The following SUCLG2 variants were observed in gnomAD, a reference collection of about 807,000 sequenced individuals.
SUCLG2 encodes the protein succinate--CoA ligase [GDP-forming] subunit beta, mitochondrial.
SUCLG2 carries 42 observed loss-of-function variants against 47.9 expected under a neutral mutation model. The observed-to-expected ratio is 0.88, with a 90% CI of 0.69 to 1.14. SUCLG2 has a LOEUF of 1.14. Ranked by LOEUF, SUCLG2 falls within the 50% of genes most tolerant of loss-of-function variation. SUCLG2 has a pLI of 0.00. For missense variants in SUCLG2, 571 were observed against 525.9 expected (o/e 1.09, Z -0.84); for synonymous variants, 195 against 197.3 (o/e 0.99, Z 0.10).
chr3:67,403,155 G>A (rs527337082), intron 9 of SUCLG2, among the ~76,000 whole-genome samples: 69 of 152,268 alleles, frequency 4.5e-4, no homozygotes, highest in African/African-American at 1.6e-3. Context: ...AACTACTTTA[G>A]TTGGTGCTGA....
chr3:67,411,246 G>T (rs1702926370), intron 9 of SUCLG2, among the ~76,000 whole-genome samples: 1 of 151,990 alleles, frequency 6.6e-6, no homozygotes, highest in East Asian at 1.9e-4. Flanking sequence ...AAATAGCTAA[G>T]CAGAGAGAGC....
At chr3:67,461,838 T>C (rs1158909636) in intron 9 of SUCLG2, among the ~76,000 whole-genome samples, 3 of 151,930 alleles carry the variant, frequency 2.0e-5, no homozygotes, top group African/African-American at 7.3e-5. Flanking sequence ...CTGGGAAGAT[T>C]TCCAAGGAGA....
chr3:67,626,764 A>G (rs896097786), intron 1 of SUCLG2, among the ~76,000 whole-genome samples: 1 of 151,892 alleles, frequency 6.6e-6, no homozygotes, highest in Admixed American at 6.6e-5. Flanking sequence ...AATACAAAAA[A>G]TTAGCTGGGC....
At chr3:67,629,259 C>G (rs1700886840) in intron 1 of SUCLG2, among the ~76,000 whole-genome samples, 1 of 152,170 alleles carries the variant, frequency 6.6e-6, no homozygotes. Flanking sequence ...CACTAACTCC[C>G]AGAGTTAGCA....
chr3:67,455,109 G>A (rs930329287), intron 9 of SUCLG2, among the ~76,000 whole-genome samples: 2 of 152,088 alleles, frequency 1.3e-5, no homozygotes, highest in African/African-American at 4.8e-5. Context: ...CACATTGCAT[G>A]TAGTTCTTAG....
intron 9 of SUCLG2, among the ~76,000 whole-genome samples, chr3:67,434,267 C>T (rs1022664285): frequency 2.6e-5 from 4 of 152,136 alleles, no homozygotes; most frequent in African/African-American, 7.2e-5. Context: ...GGCTCACGTC[C>T]GTTATCCCAG....
At chr3:67,639,837 G>C (rs2107366803) in intron 1 of SUCLG2, among the ~76,000 whole-genome samples, 1 of 152,214 alleles carries the variant, frequency 6.6e-6, no homozygotes, top group South Asian at 2.1e-4. Context: ...TGTGACCAGG[G>C]AACAATAAGA....
intron 1 of SUCLG2, among the ~76,000 whole-genome samples, chr3:67,615,111 A>G (rs1559597662): frequency 6.6e-6 from 1 of 152,130 alleles, no homozygotes; most frequent in African/African-American, 2.4e-5. Context: ...TTAAGGGCCT[A>G]TGGGAACAAG....
intron 10 of SUCLG2, among the ~76,000 whole-genome samples, chr3:67,387,646 A>T (rs1362732693): frequency 6.6e-6 from 1 of 152,174 alleles, no homozygotes; most frequent in Non-Finnish European, 1.5e-5. Flanking sequence ...GAATTAAGTG[A>T]TTTTTATAAT....
chr3:67,362,082 A>G (rs1701810491), intron 10 of SUCLG2, among the ~76,000 whole-genome samples: 1 of 152,216 alleles, frequency 6.6e-6, no homozygotes, highest in Admixed American at 6.5e-5. Flanking sequence ...ACTCATAAGC[A>G]AAATAAATGC....
At chr3:67,414,249 C>T (rs918120805) in intron 9 of SUCLG2, among the ~76,000 whole-genome samples, 2 of 152,124 alleles carry the variant, frequency 1.3e-5, no homozygotes, top group African/African-American at 2.4e-5. Flanking sequence ...AACTCGACTC[C>T]GAAGTTCTTG....
chr3:67,394,202 A>C (rs1299707332), intron 10 of SUCLG2, among the ~76,000 whole-genome samples: 1 of 152,124 alleles, frequency 6.6e-6, no homozygotes, highest in Non-Finnish European at 1.5e-5. Context: ...GAGAAGAAGG[A>C]TTCAGATGAT....
At chr3:67,525,862 C>A (rs1359717732) in intron 4 of SUCLG2, among the ~76,000 whole-genome samples, 1 of 152,158 alleles carries the variant, frequency 6.6e-6, no homozygotes, top group Non-Finnish European at 1.5e-5. Flanking sequence ...TATAGTGTAA[C>A]AGATAATACT....
chr3:67,450,405 CAA>C (rs1559531206), intron 9 of SUCLG2, among the ~76,000 whole-genome samples: 1 of 152,114 alleles, frequency 6.6e-6, no homozygotes, highest in Non-Finnish European at 1.5e-5. Flanking sequence ...TGAGCCAAAG[CAA>C]AGTGTTTAAG....
intron 10 of SUCLG2, among the ~76,000 whole-genome samples, chr3:67,380,619 T>C (rs1702136906): frequency 6.6e-6 from 1 of 152,002 alleles, no homozygotes; most frequent in Admixed American, 6.6e-5. Context: ...TCATCTGTTA[T>C]GAGAAATGGG....
chr3:67,518,185 A>T, intron 6 of SUCLG2, 62 bp downstream of exon 6: 1 of 1,377,360 alleles, frequency 7.3e-7, no homozygotes, highest in Middle Eastern at 1.8e-4. Context: ...GAGGCAATGA[A>T]GCAAGTTCCC....
chr3:67,562,041 C>T (rs757241077), intron 2 of SUCLG2, among the ~76,000 whole-genome samples: 5 of 152,162 alleles, frequency 3.3e-5, no homozygotes, highest in African/African-American at 4.8e-5. Flanking sequence ...CCCCTACTCC[C>T]TTCTGCATTT....
At chr3:67,482,950 T>C (rs1704955560) in intron 9 of SUCLG2, among the ~76,000 whole-genome samples, 1 of 152,128 alleles carries the variant, frequency 6.6e-6, no homozygotes, top group Admixed American at 6.5e-5. Flanking sequence ...AAAGGATGTG[T>C]CCAGAATACT....
chr3:67,459,119 T>C (rs1009420701), intron 9 of SUCLG2, among the ~76,000 whole-genome samples: 1 of 145,278 alleles, frequency 6.9e-6, no homozygotes, highest in African/African-American at 2.9e-5. Flanking sequence ...CAGTGAACCA[T>C]TCAAAGGGCA....
Sources: allele counts gnomAD v4.1 joint callset (sites outside exome capture counted in the v4.1 genomes callset), GRCh38; gene constraint gnomAD v4.1.1; transcripts MANE v1.5; gene names NCBI Gene and HGNC (gene_info 2026-07-23, HGNC 2026-07-21).